GOPC: variants seen among roughly 807,000 people sequenced by gnomAD.
GOPC encodes the protein golgi associated PDZ and coiled-coil motif containing, also known as Golgi-associated PDZ and coiled-coil motif-containing protein.
GOPC carries 32 observed loss-of-function variants against 51.2 expected under a neutral mutation model. The ratio of observed to expected loss-of-function variants is 0.63; its 90% CI spans 0.47 to 0.84. The LOEUF is 0.84. Ranked by LOEUF, GOPC falls within the 40% of genes least tolerant of loss-of-function variation. The pLI is 0.00. For synonymous variants in GOPC, 190 were observed against 205.1 expected, an observed-to-expected ratio of 0.93 and a Z score of 0.63; for missense variants, 441 against 555.5, an observed-to-expected ratio of 0.79 and a Z score of 2.07.
intron 1 of GOPC, among the ~76,000 whole-genome samples, chr6:117,595,290 T>C (rs995544127): frequency 6.6e-5 from 10 of 152,196 alleles, no homozygotes; most frequent in Admixed American, 4.6e-4. Context: ...CAGAGATAAC[T>C]GCTTAGGTCA....
chr6:117,566,824 G>C, intron 8 of GOPC, 30 bp downstream of exon 8: 1 of 1,388,072 alleles, frequency 7.2e-7, no homozygotes, highest in East Asian at 2.5e-5. Flanking sequence ...TAATGAATAT[G>C]TTAATAATAA....
chr6:117,567,530 A>C (rs1442742948), intron 7 of GOPC, among the ~76,000 whole-genome samples: 3 of 152,188 alleles, frequency 2.0e-5, no homozygotes, highest in Non-Finnish European at 2.9e-5. Context: ...AACTAATTCA[A>C]GAAACTCCTA....
chr6:117,579,194 T>G, intron 1 of GOPC, 130 bp from the exon 2 acceptor site: 2 of 693,432 alleles, frequency 2.9e-6, no homozygotes, highest in Non-Finnish European at 4.5e-6. Flanking sequence ...AATAATATTA[T>G]CCAAGATACA....
chr6:117,578,650 TA>T (rs2114614511), intron 2 of GOPC, among the ~76,000 whole-genome samples: 1 of 152,182 alleles, frequency 6.6e-6, no homozygotes, highest in South Asian at 2.1e-4. Context: ...TAATCACAAA[TA>T]TCTTTTAAAC....
intron 1 of GOPC, among the ~76,000 whole-genome samples, chr6:117,595,122 C>A (rs1295411071): frequency 6.6e-6 from 1 of 152,174 alleles, no homozygotes; most frequent in Non-Finnish European, 1.5e-5. Flanking sequence ...AAGGCAGATA[C>A]AAAGTTGCTT....
Position 117,602,105 on chromosome 6 carries a change from T to G in GOPC, c.184A>C (p.Ile62Leu). Residue 62 changes from isoleucine to leucine, a missense_variant, in exon 1 of 9, where the codon ATC (isoleucine) becomes CTC (leucine). By Grantham distance (5) the Ile-to-Leu change is conservative (BLOSUM62 2). Coordinates refer to ENST00000368498, the MANE Select transcript of GOPC (RefSeq NM_020399.4). Reference sequence around the variant, plus strand: ...ATCTTCTGTCGCCCCTCATAAGTGATGTCCGCTTGGTCTGGATCGATCTCT... The same window carrying G: ...ATCTTCTGTCGCCCCTCATAAGTGAGGTCCGCTTGGTCTGGATCGATCTCT... ...LGEIDPDQAD[I>L]TYEGRQKMTS... 1 of 1,614,130 alleles carries G rather than the reference T, an allele frequency of 6.2e-7. No homozygotes were observed. The highest frequency in any genetic ancestry group is 8.5e-7 in the Non-Finnish European group (1 of 1,180,018).
At chr6:117,564,771 C>T (rs1779660277) in intron 8 of GOPC, among the ~76,000 whole-genome samples, 1 of 152,144 alleles carries the variant, frequency 6.6e-6, no homozygotes, top group Non-Finnish European at 1.5e-5. Flanking sequence ...GTGTGAAATA[C>T]AATGAAACCA....
chr6:117,587,799 G>GCACCA (rs1780055477), intron 1 of GOPC, among the ~76,000 whole-genome samples: 1 of 152,008 alleles, frequency 6.6e-6, no homozygotes, highest in African/African-American at 2.4e-5. Flanking sequence ...CAATGCAGTG[G>GCACCA]CACCAAGCTC....
In GOPC at chr6:117,601,997, G is replaced by C; in HGVS notation, c.285+7C>G. ...GGATGCCATAGCCGCCAGCACCCAC[G>C]GCTCACCTCCAGCTTGTGGTTGATT... On this transcript the variant is annotated splice_region_variant and intron_variant, in intron 1 of 8. Transcript: ENST00000368498. 1 of 1,612,712 alleles carries C rather than the reference G, an allele frequency of 6.2e-7. No individual in the cohort carries two copies. The highest frequency in any genetic ancestry group is 8.5e-7 in the Non-Finnish European group (1 of 1,178,940).
Position 117,578,909 on chromosome 6 carries a change from C to G in GOPC, c.441G>C (p.Lys147Asn). Reference sequence around the variant, plus strand: ...TCTCTAAACTACTTACCAATTTTGCCTTAATGGTACCAGAGTCAGCACTTT... The same window carrying G: ...TCTCTAAACTACTTACCAATTTTGCGTTAATGGTACCAGAGTCAGCACTTT... ...TGQSADSGTI[K>N]AKLSGPSVEE... The change falls in exon 2 of 9, where the codon AAG (lysine) becomes AAC (asparagine). Residue 147 changes from lysine to asparagine, a missense_variant. Physicochemically the swap from Lys to Asn is moderately conservative, Grantham distance 94 (BLOSUM62 0). Coordinates refer to ENST00000368498, the MANE Select transcript of GOPC (RefSeq NM_020399.4). 1 of 1,587,250 alleles carries G rather than the reference C, an allele frequency of 6.3e-7. No individual in the cohort carries two copies. Among genetic ancestry groups the G allele is most frequent in the Middle Eastern group, 1.7e-4 (1 of 5,952 alleles).
chr6:117,589,907 TAA>T (rs1780090106), intron 1 of GOPC, among the ~76,000 whole-genome samples: 1 of 152,120 alleles, frequency 6.6e-6, no homozygotes, highest in African/African-American at 2.4e-5. Flanking sequence ...TCATGATGTT[TAA>T]AGTTATTTTC....
chr6:117,573,333 A>G, intron 5 of GOPC, 134 bp downstream of exon 5: 1 of 1,012,426 alleles, frequency 9.9e-7, no homozygotes, highest in Non-Finnish European at 1.4e-6. Context: ...ATCTACTTTG[A>G]ATAAGTTGAA....
chr6:117,582,650 G>A (rs1429196238), intron 1 of GOPC, among the ~76,000 whole-genome samples: 1 of 150,902 alleles, frequency 6.6e-6, no homozygotes, highest in Non-Finnish European at 1.5e-5. Flanking sequence ...AGGGGAGAGT[G>A]ACATGCCCTT....
At position 117,602,337 on chromosome 6, in the gene GOPC, C is replaced by G; in HGVS notation, c.-49G>C. On this transcript the variant is annotated 5_prime_UTR_variant, in exon 1 of 9. Transcript: ENST00000368498. ...ACTGCTGAAGACCCTCGCCGCCCCC[C>G]GCGCACGAAGGGAACTGCTGGGACT... 1 of 1,503,276 alleles carries G rather than the reference C, an allele frequency of 6.7e-7. No individual in the cohort carries two copies. The highest frequency in any genetic ancestry group is 8.8e-7 in the Non-Finnish European group (1 of 1,134,708). 93.1% of individuals were successfully genotyped at this position (1,503,276 alleles called of 1,614,324 possible). A position where few individuals can be genotyped will look rare whatever the true frequency, so the allele number is the denominator to read the frequency against.
In GOPC at chr6:117,563,170, T is replaced by G; in HGVS notation, c.*84A>C. On this transcript the variant is annotated 3_prime_UTR_variant, in exon 9 of 9. Transcript: ENST00000368498. ...TTAGGCAACAAACAGCCTCCCCTGATTTTGTAGTCTTTGTCACCATCTTCC... is the reference window on the plus strand; with the variant it reads ...TTAGGCAACAAACAGCCTCCCCTGAGTTTGTAGTCTTTGTCACCATCTTCC... 1 of 1,297,268 alleles carries G rather than the reference T, an allele frequency of 7.7e-7. No homozygotes were observed. The highest frequency in any genetic ancestry group is 1.1e-6 in the Non-Finnish European group (1 of 915,306). 80.4% of individuals were successfully genotyped at this position (1,297,268 alleles called of 1,614,324 possible).
chr6:117,602,498 A>G lies in GOPC; in HGVS notation c.-210T>C, dbSNP rs374408850. 1.7e-6 allele frequency: 1 copy of G among 588,662 alleles called. No individual in the cohort carries two copies. The highest frequency in any genetic ancestry group is 3.1e-5 in the Admixed American group (1 of 32,772). The allele number at this position is 588,662 out of a possible 1,614,324, so 36.5% of individuals were successfully genotyped here. ...CGGCAACGGCGGCGACACACGGAAG[A>G]CTCAGTCAGTCCCACCTCCCAGCCT... On this transcript the variant is annotated 5_prime_UTR_variant, in exon 1 of 9. Transcript: ENST00000368498.
intron 1 of GOPC, among the ~76,000 whole-genome samples, chr6:117,587,521 A>G (rs1194608733): frequency 6.6e-6 from 1 of 150,990 alleles, no homozygotes; most frequent in Non-Finnish European, 1.5e-5. Flanking sequence ...AAATAAATTT[A>G]TATATATATA....
rs769858138 is a variant in GOPC, at chr6:117,569,574, G to C, written c.1075C>G (p.Gln359Glu). The C allele has an allele frequency of 3.1e-6, 5 of 1,612,394 alleles. No homozygotes were observed. The highest frequency in any genetic ancestry group is 3.4e-5 in the Admixed American group (2 of 59,686). ...HKEAVTILSQ[Q>E]RGEIEFEVVY... ...CTAATTACATGAAGGGAATTTACCT[G>C]CTGAGAAAGAATAGTTACAGCTTCT... Residue 359 changes from glutamine to glutamate, a missense_variant and splice_region_variant, in exon 7 of 9, where the codon CAG (glutamine) becomes GAG (glutamate). Transcript: ENST00000368498.
chr6:117,602,263 G>C lies in GOPC; in HGVS notation c.26C>G (p.Ala9Gly), dbSNP rs774349996. 3.1e-5 allele frequency: 49 copies of C among 1,595,300 alleles called. 1 individual carries two copies. The South Asian group carries it at 5.4e-4, about 18-fold the overall frequency. The change falls in exon 1 of 9, where the codon GCA (alanine) becomes GGA (glycine). Residue 9 changes from alanine (A) to glycine (G), a missense_variant. By Grantham distance (60) the Ala-to-Gly change is moderately conservative (BLOSUM62 0). Transcript: ENST00000368498. ...GCCCCCTGGGCCCCCTCCGGCTGCTGCTGGGCATGGACCGCCCGCCGACAT... is the reference window on the plus strand; with the variant it reads ...GCCCCCTGGGCCCCCTCCGGCTGCTCCTGGGCATGGACCGCCCGCCGACAT... Reference protein sequence around the residue: MSAGGPCPAAAGGGPGGAS... With the variant: MSAGGPCPGAAGGGPGGAS...
Sources: allele counts gnomAD v4.1 joint callset (sites outside exome capture counted in the v4.1 genomes callset), GRCh38; gene constraint gnomAD v4.1.1; transcripts MANE v1.5; gene names NCBI Gene and HGNC (gene_info 2026-07-23, HGNC 2026-07-21).